The following TRPS1 variants were observed in gnomAD, a reference collection of about 807,000 sequenced individuals.
TRPS1 encodes transcriptional repressor GATA binding 1.
A neutral mutation model predicts 101.2 loss-of-function variants in TRPS1; 6 were observed. That is an observed-to-expected ratio of 0.06 (90% confidence interval 0.03 to 0.12). The LOEUF is 0.12. TRPS1 is among the 10% of genes least tolerant of loss of function. TRPS1 has a pLI of 1.00. For missense variants in TRPS1, 1,363 were observed against 1,567.0 expected (o/e 0.87, Z 2.20); for synonymous variants, 578 against 589.8 (o/e 0.98, Z 0.29).
At chr8:115,667,141 A>C (rs896786717) in intron 1 of TRPS1, among the ~76,000 whole-genome samples, 2 of 152,322 alleles carry the variant, frequency 1.3e-5, no homozygotes, top group African/African-American at 2.4e-5. Flanking sequence ...GCCGGTCCTA[A>C]AATTTAATAA....
chr8:115,433,670 T>C (rs1813376282), intron 5 of TRPS1, among the ~76,000 whole-genome samples: 1 of 152,162 alleles, frequency 6.6e-6, no homozygotes. Flanking sequence ...TGCAAGAAAG[T>C]ACTTCAGACA....
intron 1 of TRPS1, among the ~76,000 whole-genome samples, chr8:115,641,520 A>G (rs1056626370): frequency 6.6e-6 from 1 of 152,196 alleles, no homozygotes; most frequent in Non-Finnish European, 1.5e-5. Context: ...TGAGCTCAAT[A>G]AATACATTTC....
chr8:115,596,018 A>G (rs1482889935), intron 4 of TRPS1, among the ~76,000 whole-genome samples: 1 of 151,934 alleles, frequency 6.6e-6, no homozygotes, highest in Non-Finnish European at 1.5e-5. Flanking sequence ...ATGACACATA[A>G]CATACACAAA....
chr8:115,649,033 C>G (rs1811499525), intron 1 of TRPS1, among the ~76,000 whole-genome samples: 1 of 152,146 alleles, frequency 6.6e-6, no homozygotes, highest in Admixed American at 6.5e-5. Flanking sequence ...GGGTGCTGAT[C>G]ACAGACTTTT....
intron 5 of TRPS1, among the ~76,000 whole-genome samples, chr8:115,512,082 G>A (rs1008845617): frequency 6.6e-6 from 1 of 151,530 alleles, no homozygotes; most frequent in Non-Finnish European, 1.5e-5. Flanking sequence ...TGTCACTAAG[G>A]GTGTGTAAGC....
At chr8:115,498,375 C>G (rs1414698997) in intron 5 of TRPS1, among the ~76,000 whole-genome samples, 742 of 48,624 alleles carry the variant, frequency 0.015, 87 homozygotes, top group Non-Finnish European at 0.021. Context: ...GAGAGCCCGT[C>G]TCTCTCTCTC....
At chr8:115,631,872 G>T (rs1818653916) in intron 1 of TRPS1, among the ~76,000 whole-genome samples, 1 of 151,996 alleles carries the variant, frequency 6.6e-6, no homozygotes. Context: ...GCTGAAAAAA[G>T]AATCAGATAT....
At chr8:115,435,998 T>TCACACA (rs4027183) in intron 5 of TRPS1, among the ~76,000 whole-genome samples, 4,364 of 134,010 alleles carry the variant, frequency 0.033, 107 homozygotes, top group Admixed American at 0.07. Context: ...AAATGAGAAA[T>TCACACA]CACACACACA....
chr8:115,666,255 A>G (rs755634732), intron 1 of TRPS1, among the ~76,000 whole-genome samples: 6 of 152,106 alleles, frequency 3.9e-5, no homozygotes, highest in Non-Finnish European at 7.4e-5. Context: ...AAGATTAAGC[A>G]TATCATTAAT....
intron 4 of TRPS1, among the ~76,000 whole-genome samples, chr8:115,599,071 G>A (rs1414583192): frequency 6.6e-6 from 1 of 151,934 alleles, no homozygotes; most frequent in Admixed American, 6.6e-5. Context: ...TCTCTATTCT[G>A]TACATTTTCT....
chr8:115,514,005 AGTATCCACATG>A (rs955181769), intron 5 of TRPS1, among the ~76,000 whole-genome samples: 2 of 151,754 alleles, frequency 1.3e-5, no homozygotes, highest in Admixed American at 1.3e-4. Flanking sequence ...GAACATAAGG[AGTATCCACATG>A]GTATCTAAGT....
At chr8:115,529,362 T>C (rs1173039198) in intron 5 of TRPS1, among the ~76,000 whole-genome samples, 13 of 152,114 alleles carry the variant, frequency 8.5e-5, no homozygotes, top group Non-Finnish European at 1.8e-4. Flanking sequence ...AATTTTAAAA[T>C]AACAATTGTA....
intron 5 of TRPS1, among the ~76,000 whole-genome samples, chr8:115,586,106 A>T (rs1817555126): frequency 6.6e-6 from 1 of 152,182 alleles, no homozygotes; most frequent in Non-Finnish European, 1.5e-5. Flanking sequence ...TGTAAAGGTT[A>T]GCTGGTTTCT....
intron 1 of TRPS1, among the ~76,000 whole-genome samples, chr8:115,655,500 T>A (rs1811657543): frequency 6.6e-6 from 1 of 152,164 alleles, no homozygotes; most frequent in Admixed American, 6.6e-5. Flanking sequence ...TTACCCTACA[T>A]CTGATTCCAG....
At chr8:115,647,682 C>A (rs1306960174) in intron 1 of TRPS1, among the ~76,000 whole-genome samples, 1 of 152,080 alleles carries the variant, frequency 6.6e-6, no homozygotes, top group African/African-American at 2.4e-5. Flanking sequence ...CGCTATATGA[C>A]AAAGTACATG....
chr8:115,607,314 C>T lies in TRPS1; in HGVS notation c.967-2312G>A, dbSNP rs1048028653. Reference sequence around the variant, plus strand: ...TCAATACTATCAGGAGAAGGGACTACGAAAGAAGGCAACTTTGTGAAAAAT... The same window carrying T: ...TCAATACTATCAGGAGAAGGGACTATGAAAGAAGGCAACTTTGTGAAAAAT... On this transcript the variant is annotated intron_variant, in intron 3 of 6. Transcript: ENST00000395715. 5.3e-5 allele frequency among the ~76,000 whole-genome samples: 8 copies of T among 151,802 alleles called. No homozygotes were observed. The East Asian group carries it at 5.8e-4, about 11-fold the overall frequency.
At chr8:115,650,373 G>C (rs1811531768) in intron 1 of TRPS1, among the ~76,000 whole-genome samples, 1 of 152,184 alleles carries the variant, frequency 6.6e-6, no homozygotes, top group South Asian at 2.1e-4. Flanking sequence ...ATAGATAAGT[G>C]CAAGTCCTAC....
At chr8:115,416,334 T>G (rs1404822646) in intron 6 of TRPS1, among the ~76,000 whole-genome samples, 1 of 151,784 alleles carries the variant, frequency 6.6e-6, no homozygotes, top group East Asian at 1.9e-4. Context: ...AAGGAATCAG[T>G]TTGATAAATT....
chr8:115,583,304 T>A (rs2130433332), intron 5 of TRPS1, among the ~76,000 whole-genome samples: 1 of 152,192 alleles, frequency 6.6e-6, no homozygotes, highest in East Asian at 1.9e-4. Context: ...TATACAACTT[T>A]ACATGAATGC....
Sources: allele counts gnomAD v4.1 joint callset (sites outside exome capture counted in the v4.1 genomes callset), GRCh38; gene constraint gnomAD v4.1.1; transcripts MANE v1.5; gene names NCBI Gene and HGNC (gene_info 2026-07-23, HGNC 2026-07-21).